Variants in KLF15 observed in about 807,000 individuals in gnomAD.
KLF15 encodes KLF transcription factor 15.
KLF15 carries 4 observed loss-of-function variants against 24.6 expected under a neutral mutation model. That is an observed-to-expected ratio of 0.16 (90% CI 0.08 to 0.37). KLF15 has a LOEUF of 0.37. Ranked by LOEUF, KLF15 falls within the 10% of genes least tolerant of loss-of-function variation. The pLI, the probability that KLF15 is intolerant of heterozygous loss-of-function variation, is 1.00. For synonymous variants in KLF15, 246 were observed against 236.3 expected, an observed-to-expected ratio of 1.04 and a Z score of -0.37; for missense variants, 496 against 560.6, an observed-to-expected ratio of 0.88 and a Z score of 1.16.
the KLF15 span, among the ~76,000 whole-genome samples, chr3:126,289,875 T>C: frequency 6.6e-6 from 1 of 152,166 alleles, no homozygotes; most frequent in Non-Finnish European, 1.5e-5. Context: ...TCTCCAAAGA[T>C]GATTTCGAGG....
At chr3:126,320,782 G>A in the KLF15 span, among the ~76,000 whole-genome samples, 15 of 151,908 alleles carry the variant, frequency 9.9e-5, no homozygotes, top group Non-Finnish European at 1.9e-4. Context: ...CAACTCAGCT[G>A]GAAGCAGAGT....
intron 2 of KLF15, among the ~76,000 whole-genome samples, chr3:126,349,638 G>C (rs2082566558): frequency 1.3e-5 from 2 of 152,194 alleles, no homozygotes; most frequent in Admixed American, 6.5e-5. Flanking sequence ...AAGAAGGCTG[G>C]CCTTGGATGA....
chr3:126,294,882 C>A, the KLF15 span, among the ~76,000 whole-genome samples: 1 of 151,806 alleles, frequency 6.6e-6, no homozygotes, highest in South Asian at 2.1e-4. Flanking sequence ...CACACACACA[C>A]ACACACACAC....
the KLF15 span, among the ~76,000 whole-genome samples, chr3:126,319,004 G>A: frequency 6.6e-6 from 1 of 152,166 alleles, no homozygotes; most frequent in Non-Finnish European, 1.5e-5. Flanking sequence ...TCTGTTTCCT[G>A]TCTCCATAGT....
At chr3:126,347,441 G>A (rs2082543985) in intron 2 of KLF15, among the ~76,000 whole-genome samples, 1 of 152,134 alleles carries the variant, frequency 6.6e-6, no homozygotes, top group Admixed American at 6.5e-5. Flanking sequence ...TGGCTCTGAC[G>A]CTCAAGAGGA....
At chr3:126,314,040 G>A in the KLF15 span, among the ~76,000 whole-genome samples, 1 of 152,220 alleles carries the variant, frequency 6.6e-6, no homozygotes, top group South Asian at 2.1e-4. Context: ...GAAACTGCAT[G>A]TGGCCACACA....
At chr3:126,343,922 G>T (rs770253432) in intron 2 of KLF15, 27 bp from the exon 3 acceptor site, 16 of 1,540,790 alleles carry the variant, frequency 1.0e-5, no homozygotes, top group South Asian at 7.5e-5. Context: ...GGTCAGCGAG[G>T]CCTGGCCCTG....
downstream of KLF15, among the ~76,000 whole-genome samples, chr3:126,341,358 C>T (rs528124078): frequency 6.6e-5 from 10 of 152,196 alleles, no homozygotes; most frequent in Non-Finnish European, 1.2e-4. Flanking sequence ...CATATGCTCC[C>T]GAGGTTATTC....
At chr3:126,349,417 C>T (rs1416611251) in intron 2 of KLF15, among the ~76,000 whole-genome samples, 2 of 152,168 alleles carry the variant, frequency 1.3e-5, no homozygotes, top group Non-Finnish European at 2.9e-5. Context: ...CCTTCTCTTG[C>T]CAAGTGGGTC....
At chr3:126,312,047 C>T in the KLF15 span, among the ~76,000 whole-genome samples, 1 of 152,186 alleles carries the variant, frequency 6.6e-6, no homozygotes, top group Non-Finnish European at 1.5e-5. Context: ...GCTGCAATCC[C>T]CTGAGCTATA....
the KLF15 span, among the ~76,000 whole-genome samples, chr3:126,320,946 ATTC>A: frequency 6.6e-6 from 1 of 152,196 alleles, no homozygotes; most frequent in East Asian, 1.9e-4. Context: ...ACCCTCTGGA[ATTC>A]TTCTATTTGA....
Position 126,352,624 on chromosome 3 carries a change from C to A in KLF15, c.299G>T (p.Ser100Ile), listed in dbSNP as rs562419481. Reference protein sequence around the residue: ...GGSGSSIGASSGPVAWGPWRR... With the variant: ...GGSGSSIGASIGPVAWGPWRR... ...CCAGGGCCCCCAGGCCACGGGGCCA[C>A]TGCTGGCCCCAATGCTACTGCCGCT... Residue 100 changes from serine (S) to isoleucine (I), a missense_variant, in exon 2 of 3, where the codon AGT becomes ATT. By Grantham distance (142) the Ser-to-Ile change is moderately radical. This residue lies in a region of KLF15 where 399 missense variants were observed against 423.1 expected (regional missense o/e 0.94). Transcript: ENST00000296233. 668 of 1,603,280 alleles carry A rather than the reference C, an allele frequency of 4.2e-4. 14 individuals are homozygous for A. The South Asian group carries it at 6.7e-3, about 16-fold the overall frequency.
At position 126,353,058 on chromosome 3, in the gene KLF15, C is replaced by T. The variant is rs79081125; in HGVS notation, c.-25-111G>A. The T allele has an allele frequency of 1.4e-3, 1,755 of 1,232,052 alleles. 22 individuals are homozygous for T. The African/African-American group carries it at 0.022, about 16-fold the overall frequency. 76.3% of individuals were successfully genotyped at this position (1,232,052 alleles called of 1,614,324 possible). On this transcript the variant is annotated intron_variant, in intron 1 of 2. Coordinates refer to ENST00000296233, the MANE Select transcript of KLF15 (RefSeq NM_014079.4). ...CTGCCCACAGCCTCCTATTGCCAAA[C>T]GCCTGGATCCTGCTTCCATCCCCCA...
At chr3:126,329,427 G>T in the KLF15 span, among the ~76,000 whole-genome samples, 222 of 152,298 alleles carry the variant, frequency 1.5e-3, no homozygotes, top group African/African-American at 5.1e-3. Context: ...TGAAGCTGCA[G>T]TGAGCTATGA....
the KLF15 span, among the ~76,000 whole-genome samples, chr3:126,304,974 G>T: frequency 2.0e-5 from 3 of 152,198 alleles, no homozygotes; most frequent in Non-Finnish European, 4.4e-5. Context: ...TCTCAGTCCC[G>T]CAAGTAGTAA....
At chr3:126,289,465 A>C in the KLF15 span, among the ~76,000 whole-genome samples, 1 of 152,248 alleles carries the variant, frequency 6.6e-6, no homozygotes, top group Admixed American at 6.5e-5. Flanking sequence ...TTTCCAATCA[A>C]TAAGAAAAGA....
At chr3:126,348,137 G>C (rs1171998646) in intron 2 of KLF15, among the ~76,000 whole-genome samples, 1 of 152,212 alleles carries the variant, frequency 6.6e-6, no homozygotes, top group East Asian at 1.9e-4. Context: ...CCCTGATTCT[G>C]GGCAGACAGC....
At chr3:126,331,668 G>A in the KLF15 span, among the ~76,000 whole-genome samples, 55 of 152,330 alleles carry the variant, frequency 3.6e-4, no homozygotes, top group African/African-American at 1.2e-3. Context: ...CGTGAGCGAC[G>A]CAGAAGACGG....
chr3:126,337,944 A>G (rs1489726569), downstream of KLF15, among the ~76,000 whole-genome samples: 1 of 152,194 alleles, frequency 6.6e-6, no homozygotes, highest in Non-Finnish European at 1.5e-5. Context: ...GGTGCCTTGT[A>G]GAGAAGGCGG....
Sources: allele counts gnomAD v4.1 joint callset (sites outside exome capture counted in the v4.1 genomes callset), GRCh38; gene constraint gnomAD v4.1.1; regional missense constraint gnomAD v4.1.1; transcripts MANE v1.5; gene names NCBI Gene and HGNC (gene_info 2026-07-23, HGNC 2026-07-21).